The following C5orf47 variants were observed in gnomAD, a reference collection of about 807,000 sequenced individuals.
The protein encoded by C5orf47 is uncharacterized protein C5orf47.
In C5orf47, 20 loss-of-function variants were observed where a neutral mutation model predicts 20.6. That is an observed-to-expected ratio of 0.97 (90% confidence interval 0.68 to 1.41). C5orf47 has a LOEUF of 1.41. C5orf47 is among the 40% of genes most tolerant of loss of function. The probability of loss-of-function intolerance (pLI) is 0.00; values close to 1 mark genes in which losing one functional copy is unlikely to be tolerated. For missense variants in C5orf47, 262 were observed against 238.4 expected, an observed-to-expected ratio of 1.10 and a Z score of -0.65; for synonymous variants, 106 against 97.3, an observed-to-expected ratio of 1.09 and a Z score of -0.53.
rs1320631363 is a variant in C5orf47 at position 173,989,597 on chromosome 5, G to C, written c.325+9G>C. ...ACAGTCGGCGCGTGCAGGTGGTGCA[G>C]CGGGGCAGGGCGGGACCGGGCGCGG... is the stretch of plus-strand genomic sequence containing the variant. On this transcript the variant is annotated intron_variant, in intron 1 of 4. Coordinates refer to ENST00000340147, the MANE Select transcript of C5orf47 (RefSeq NM_001144954.2). 7.0e-7 allele frequency: 1 copy of C among 1,425,020 alleles called. No homozygotes were observed. The highest frequency in any genetic ancestry group is 9.2e-7 in the Non-Finnish European group (1 of 1,091,928). The allele number at this position is 1,425,020 out of a possible 1,614,324, so 88.3% of individuals were successfully genotyped here. A position where few individuals can be genotyped will look rare whatever the true frequency, so the allele number is the denominator to read the frequency against.
chr5:173,996,489 G>A (rs1220811712), intron 1 of C5orf47, among the ~76,000 whole-genome samples: 1 of 152,102 alleles, frequency 6.6e-6, no homozygotes, highest in Non-Finnish European at 1.5e-5. Context: ...AAACATTTGG[G>A]AATGATGCAA....
chr5:173,998,457 G>A (rs1266657740), intron 2 of C5orf47, among the ~76,000 whole-genome samples: 1 of 152,034 alleles, frequency 6.6e-6, no homozygotes, highest in East Asian at 1.9e-4. Context: ...TACCAGTGAA[G>A]GTATAAAACA....
At position 174,004,517 on chromosome 5, in the gene C5orf47, A is replaced by G. The variant is rs1759252896; in HGVS notation, c.*263A>G. On this transcript the variant is annotated 3_prime_UTR_variant, in exon 5 of 5. Transcript: ENST00000340147. Reference sequence around the variant, plus strand: ...TTTTCAGAATTAATGCTTATTCTACATACTTTTAAATTAACCTCATACATA... The same window carrying G: ...TTTTCAGAATTAATGCTTATTCTACGTACTTTTAAATTAACCTCATACATA... 6.6e-6 allele frequency: 1 copy of G among 152,270 alleles called. No homozygotes were observed. Among genetic ancestry groups the G allele is most frequent in the Non-Finnish European group, 1.5e-5 (1 of 68,000 alleles). The allele number at this position is 152,270 out of a possible 1,614,324, so 9.4% of individuals were successfully genotyped here. A position where few individuals can be genotyped will look rare whatever the true frequency, so the allele number is the denominator to read the frequency against.
chr5:173,998,604 A>G (rs932201118), intron 2 of C5orf47, among the ~76,000 whole-genome samples: 3 of 152,194 alleles, frequency 2.0e-5, no homozygotes, highest in Non-Finnish European at 4.4e-5. Flanking sequence ...TAATGTATCT[A>G]TATTGGTCTT....
Position 173,999,696 on chromosome 5 carries a change from TA to T in C5orf47, c.412-2del. The T allele has an allele frequency of 7.3e-7, 1 of 1,366,350 alleles. No individual in the cohort carries two copies. Among genetic ancestry groups the T allele is most frequent in the South Asian group, 1.4e-5 (1 of 71,042 alleles). 84.6% of individuals were successfully genotyped at this position (1,366,350 alleles called of 1,614,324 possible). On this transcript the variant is annotated splice_region_variant and splice_polypyrimidine_tract_variant and intron_variant, in intron 2 of 4. Coordinates refer to ENST00000340147, the MANE Select transcript of C5orf47 (RefSeq NM_001144954.2). ...CATTCCTTTACTGTGCTTATCTTTT[TA>T]AGGTTTTAGTATGGAATAGAGTATA...
At chr5:173,998,552 A>G (rs965467072) in intron 2 of C5orf47, among the ~76,000 whole-genome samples, 1 of 152,232 alleles carries the variant, frequency 6.6e-6, no homozygotes, top group Non-Finnish European at 1.5e-5. Flanking sequence ...GTGATAGATA[A>G]TGTAGTATAA....
intron 1 of C5orf47, among the ~76,000 whole-genome samples, chr5:173,993,511 C>T (rs985913041): frequency 3.9e-5 from 6 of 152,112 alleles, no homozygotes; most frequent in Middle Eastern, 3.4e-3. Context: ...TGTGGTGGTG[C>T]GCGCCTGCTG....
At chr5:173,989,880 C>T (rs972104507) in intron 1 of C5orf47, among the ~76,000 whole-genome samples, 1 of 152,162 alleles carries the variant, frequency 6.6e-6, no homozygotes, top group Non-Finnish European at 1.5e-5. Flanking sequence ...GAGTGAGATT[C>T]GTTGACTTCG....
At chr5:173,994,014 G>A (rs775543114) in intron 1 of C5orf47, among the ~76,000 whole-genome samples, 34 of 152,206 alleles carry the variant, frequency 2.2e-4, no homozygotes, top group Admixed American at 5.9e-4. Context: ...TCTGTGTTCT[G>A]CAGGTTGTGG....
At chr5:173,996,208 G>A (rs1311234510) in intron 1 of C5orf47, among the ~76,000 whole-genome samples, 1 of 152,194 alleles carries the variant, frequency 6.6e-6, no homozygotes, top group East Asian at 1.9e-4. Context: ...GTATGGATCA[G>A]TGATGACAGT....
At chr5:173,992,765 T>G (rs983035603) in intron 1 of C5orf47, among the ~76,000 whole-genome samples, 2 of 152,204 alleles carry the variant, frequency 1.3e-5, no homozygotes, top group Non-Finnish European at 2.9e-5. Context: ...TAATTTTTAT[T>G]TTTAATTTTT....
chr5:174,008,021 C>A (rs1379467466), downstream of C5orf47, among the ~76,000 whole-genome samples: 3 of 152,242 alleles, frequency 2.0e-5, no homozygotes, highest in East Asian at 5.8e-4. Flanking sequence ...TGTGTGTGCT[C>A]CCAAGGGTGG....
downstream of C5orf47, among the ~76,000 whole-genome samples, chr5:174,007,718 CG>C (rs969022555): frequency 3.3e-5 from 5 of 152,010 alleles, no homozygotes; most frequent in Admixed American, 3.3e-4. Context: ...CCACCACACT[CG>C]GCTAATTTTT....
chr5:174,006,119 AC>A lies in C5orf47; in HGVS notation c.*1866del, dbSNP rs1759289633. ...TAGGGGCTAATGACCCACCCCTGCT[AC>A]ATTAAAGACTTCAGACTGCATTGTG... On this transcript the variant is annotated 3_prime_UTR_variant, in exon 5 of 5. Coordinates refer to ENST00000340147, the MANE Select transcript of C5orf47 (RefSeq NM_001144954.2). 1 of 152,380 alleles carries A rather than the reference AC, an allele frequency of 6.6e-6. No homozygotes were observed. Among genetic ancestry groups the A allele is most frequent in the South Asian group, 2.1e-4 (1 of 4,834 alleles). The allele number at this position is 152,380 out of a possible 1,614,324, so 9.4% of individuals were successfully genotyped here.
chr5:174,008,278 G>A (rs1379707052), downstream of C5orf47, among the ~76,000 whole-genome samples: 1 of 152,194 alleles, frequency 6.6e-6, no homozygotes, highest in East Asian at 1.9e-4. Flanking sequence ...ATATTGATCC[G>A]GCCCATATAT....
chr5:174,007,246 GATA>G (rs965224282), downstream of C5orf47, among the ~76,000 whole-genome samples: 12 of 152,218 alleles, frequency 7.9e-5, no homozygotes, highest in East Asian at 1.9e-4. Context: ...TCCCAGCCAA[GATA>G]ATAATAATAA....
rs1326037330 is a variant in C5orf47 at position 173,989,254 on chromosome 5, T to A, written c.-10T>A. 1.3e-5 allele frequency: 18 copies of A among 1,381,626 alleles called. No homozygotes were observed. The highest frequency in any genetic ancestry group is 3.5e-5 in the Admixed American group (1 of 28,862). The allele number at this position is 1,381,626 out of a possible 1,614,324, so 85.6% of individuals were successfully genotyped here. A position where few individuals can be genotyped will look rare whatever the true frequency, so the allele number is the denominator to read the frequency against. ...TGCTGAGGGCCCGGCTGCCGTTGAC[T>A]GAGGCTGCGATGGCGGCGGCAGGCC... On this transcript the variant is annotated 5_prime_UTR_variant, in exon 1 of 5. Coordinates refer to ENST00000340147, the MANE Select transcript of C5orf47 (RefSeq NM_001144954.2).
chr5:173,994,683 C>T (rs1759057344), intron 1 of C5orf47, among the ~76,000 whole-genome samples: 1 of 152,204 alleles, frequency 6.6e-6, no homozygotes, highest in African/African-American at 2.4e-5. Context: ...ACGTTAGTGA[C>T]CACGCTGCTG....
At chr5:173,990,517 C>G (rs1758973676) in intron 1 of C5orf47, among the ~76,000 whole-genome samples, 1 of 152,124 alleles carries the variant, frequency 6.6e-6, no homozygotes, top group African/African-American at 2.4e-5. Context: ...TCACTGCAAC[C>G]TACGCTCCCC....
Sources: allele counts gnomAD v4.1 joint callset (sites outside exome capture counted in the v4.1 genomes callset), GRCh38; gene constraint gnomAD v4.1.1; transcripts MANE v1.5; gene names NCBI Gene and HGNC (gene_info 2026-07-23, HGNC 2026-07-21).